MAL2: variants seen among roughly 807,000 people sequenced by gnomAD.
MAL2 encodes protein MAL2.
A neutral mutation model predicts 18.1 loss-of-function variants in MAL2; 17 were observed. That is an observed-to-expected ratio of 0.94 (90% CI 0.64 to 1.41). MAL2 has a LOEUF of 1.41. MAL2 is among the 40% of genes most tolerant of loss of function. The pLI, the probability that MAL2 is intolerant of heterozygous loss-of-function variation, is 0.00. For missense variants in MAL2, 222 were observed against 231.9 expected (o/e 0.96, Z 0.28); for synonymous variants, 102 against 102.3 (o/e 1.00, Z 0.02).
chr8:119,208,843 G>A lies in MAL2; in HGVS notation c.132+239G>A. ...CGGGCGACGGAAATTGCCTGGGGAG[G>A]GCGAGTAGGCGGCCCGGCAGGGCCG... On this transcript the variant is annotated intron_variant, in intron 1 of 3. Coordinates refer to ENST00000614891, the MANE Select transcript of MAL2 (RefSeq NM_052886.3). The surrounding 1 kb of genome is among the most constrained non-coding windows in gnomAD (Gnocchi z 4.3). 3 of 468,812 alleles carry A rather than the reference G, an allele frequency of 6.4e-6. No individual in the cohort carries two copies. Among genetic ancestry groups the A allele is most frequent in the Non-Finnish European group, 9.7e-6 (3 of 307,714 alleles). 29.0% of individuals were successfully genotyped at this position (468,812 alleles called of 1,614,324 possible). A position where few individuals can be genotyped will look rare whatever the true frequency, so the allele number is the denominator to read the frequency against.
chr8:119,208,630 T>A lies in MAL2; in HGVS notation c.132+26T>A, dbSNP rs759374501. ...GTAAGTGGGGCCGCCGGAGCGAGGG[T>A]CGCGCGGGGAGCGAGGACAGGCGGC... On this transcript the variant is annotated intron_variant, in intron 1 of 3. Transcript: ENST00000614891. This position sits in a 1 kb window ranked among gnomAD's most constrained non-coding sequence, Gnocchi z 4.3. The A allele has an allele frequency of 1.6e-5, 20 of 1,287,668 alleles. No individual in the cohort carries two copies. The highest frequency in any genetic ancestry group is 1.9e-5 in the Non-Finnish European group (19 of 1,015,964). The allele number at this position is 1,287,668 out of a possible 1,614,324, so 79.8% of individuals were successfully genotyped here.
intron 2 of MAL2, among the ~76,000 whole-genome samples, chr8:119,222,230 T>A (rs1319963124): frequency 6.6e-6 from 1 of 151,776 alleles, no homozygotes; most frequent in Non-Finnish European, 1.5e-5. Context: ...AATTGGTGAG[T>A]TTTTAAAAAT....
At chr8:119,237,099 A>T (rs1486622601) in intron 2 of MAL2, among the ~76,000 whole-genome samples, 1 of 152,220 alleles carries the variant, frequency 6.6e-6, no homozygotes, top group Non-Finnish European at 1.5e-5. Context: ...AAAAATGACA[A>T]AGGGGATATC....
chr8:119,208,629 G>A lies in MAL2; in HGVS notation c.132+25G>A, dbSNP rs567929320. ...TGTAAGTGGGGCCGCCGGAGCGAGG[G>A]TCGCGCGGGGAGCGAGGACAGGCGG... On this transcript the variant is annotated intron_variant, in intron 1 of 3. Transcript: ENST00000614891. This position sits in a 1 kb window ranked among gnomAD's most constrained non-coding sequence, Gnocchi z 4.3. The A allele has an allele frequency of 6.6e-3, 8,579 of 1,291,422 alleles. 32 individuals are homozygous for A. Among genetic ancestry groups the A allele is most frequent in the Non-Finnish European group, 8.0e-3 (8,107 of 1,017,790 alleles). 80.0% of individuals were successfully genotyped at this position (1,291,422 alleles called of 1,614,324 possible). A position where few individuals can be genotyped will look rare whatever the true frequency, so the allele number is the denominator to read the frequency against.
chr8:119,217,017 A>G (rs1817367673), intron 1 of MAL2, among the ~76,000 whole-genome samples: 1 of 152,220 alleles, frequency 6.6e-6, no homozygotes, highest in Admixed American at 6.5e-5. Context: ...ACAGGAGATG[A>G]GTTAAGAATC....
At chr8:119,210,692 A>G (rs561498636) in intron 1 of MAL2, among the ~76,000 whole-genome samples, 296 of 152,360 alleles carry the variant, frequency 1.9e-3, no homozygotes, top group Non-Finnish European at 3.0e-3. Flanking sequence ...CCAGACTCAC[A>G]GAAGTGTCCA....
intron 2 of MAL2, among the ~76,000 whole-genome samples, chr8:119,235,402 A>AAT (rs1399809859): frequency 6.6e-6 from 1 of 152,148 alleles, no homozygotes; most frequent in African/African-American, 2.4e-5. Flanking sequence ...GAACTTCCCC[A>AAT]ATCTAGCAAG....
At chr8:119,211,873 C>T (rs1218405580) in intron 1 of MAL2, among the ~76,000 whole-genome samples, 2 of 152,052 alleles carry the variant, frequency 1.3e-5, no homozygotes, top group Non-Finnish European at 2.9e-5. Context: ...GAAGCCATCA[C>T]CTTCAAAATT....
rs185494024 is a variant in MAL2 at position 119,210,409 on chromosome 8, C to T, written c.132+1805C>T. 1.3e-3 allele frequency among the ~76,000 whole-genome samples: 201 copies of T among 152,192 alleles called. 1 individual carries two copies. Among genetic ancestry groups the T allele is most frequent in the Admixed American group, 5.2e-4 (8 of 15,280 alleles). Reference sequence around the variant, plus strand: ...AGTGACTTAGTCAATTTCCCCCTCCCCCTCCCCATTATATCTTTTTTAAAT... The same window carrying T: ...AGTGACTTAGTCAATTTCCCCCTCCTCCTCCCCATTATATCTTTTTTAAAT... On this transcript the variant is annotated intron_variant, in intron 1 of 3. Transcript: ENST00000614891.
Position 119,210,430 on chromosome 8 carries a change from T to A in MAL2, c.132+1826T>A, listed in dbSNP as rs7822089. ...CTCCCCCTCCCCATTATATCTTTTT[T>A]AAATCTAGCCCAGAGGTTAGTTCTC... On this transcript the variant is annotated intron_variant, in intron 1 of 3. Coordinates refer to ENST00000614891, the MANE Select transcript of MAL2 (RefSeq NM_052886.3). 4.9e-3 allele frequency among the ~76,000 whole-genome samples: 749 copies of A among 152,224 alleles called. 3 individuals carry two copies. Among genetic ancestry groups the A allele is most frequent in the African/African-American group, 0.017 (724 of 41,544 alleles).
chr8:119,211,033 G>T (rs1416611097), intron 1 of MAL2, among the ~76,000 whole-genome samples: 1 of 152,156 alleles, frequency 6.6e-6, no homozygotes, highest in Non-Finnish European at 1.5e-5. Flanking sequence ...TGCTTTAAGA[G>T]AGCAGAGATC....
At chr8:119,231,000 G>C (rs997593167) in intron 2 of MAL2, among the ~76,000 whole-genome samples, 1 of 152,024 alleles carries the variant, frequency 6.6e-6, no homozygotes, top group African/African-American at 2.4e-5. Flanking sequence ...TGTCCTAGCA[G>C]AGTATTTTAG....
intron 2 of MAL2, among the ~76,000 whole-genome samples, chr8:119,229,107 G>A (rs1455489309): frequency 1.3e-5 from 2 of 152,114 alleles, no homozygotes; most frequent in African/African-American, 2.4e-5. Flanking sequence ...ACATCAACTC[G>A]AAGGGTCCTT....
In MAL2 at chr8:119,208,673, G is replaced by T; in HGVS notation, c.132+69G>T. The T allele has an allele frequency of 8.1e-7, 1 of 1,235,644 alleles. No individual in the cohort carries two copies. Among genetic ancestry groups the T allele is most frequent in the Non-Finnish European group, 1.0e-6 (1 of 987,576 alleles). The allele number at this position is 1,235,644 out of a possible 1,614,324, so 76.5% of individuals were successfully genotyped here. ...CAGGCGGCGGCATCCTTGTCCCCCGGGCTGTCTTCCTCTGCGTCCGCCCCC... is the reference window on the plus strand; with the variant it reads ...CAGGCGGCGGCATCCTTGTCCCCCGTGCTGTCTTCCTCTGCGTCCGCCCCC... On this transcript the variant is annotated intron_variant, in intron 1 of 3. Coordinates refer to ENST00000614891, the MANE Select transcript of MAL2 (RefSeq NM_052886.3). This position sits in a 1 kb window ranked among gnomAD's most constrained non-coding sequence, Gnocchi z 4.3.
At chr8:119,239,065 C>T (rs1223456771) in intron 2 of MAL2, among the ~76,000 whole-genome samples, 1 of 151,218 alleles carries the variant, frequency 6.6e-6, no homozygotes, top group Non-Finnish European at 1.5e-5. Flanking sequence ...ACAATGAACT[C>T]AAACAAATTT....
chr8:119,231,233 T>C (rs952562839), intron 2 of MAL2, among the ~76,000 whole-genome samples: 58 of 152,202 alleles, frequency 3.8e-4, no homozygotes, highest in African/African-American at 1.0e-3. Context: ...AGGGTTTCAC[T>C]GTGTTAGCCA....
chr8:119,221,685 C>A lies in MAL2; in HGVS notation c.231C>A (p.Phe77Leu). 1 of 1,613,918 alleles carries A rather than the reference C, an allele frequency of 6.2e-7. No homozygotes were observed. The highest frequency in any genetic ancestry group is 8.5e-7 in the Non-Finnish European group (1 of 1,179,832). ...WVMFVSVTAF[F>L]FSLLFLGMFL... is the part of the protein sequence containing the mutation. Reference sequence around the variant, plus strand: ...TGTTTGTGTCCGTGACAGCGTTTTTCTTTTCGCTCCTCTTTCTGGGCATGT... The same window carrying A: ...TGTTTGTGTCCGTGACAGCGTTTTTATTTTCGCTCCTCTTTCTGGGCATGT... The change falls in exon 2 of 4, where the codon TTC becomes TTA. Residue 77 changes from phenylalanine to leucine, a missense_variant. Transcript: ENST00000614891.
chr8:119,209,331 C>G (rs1257706683), intron 1 of MAL2: 1 of 152,274 alleles, frequency 6.6e-6, no homozygotes, highest in Non-Finnish European at 1.5e-5. Flanking sequence ...GGCCTCCTTA[C>G]GCAACTCCAA....
rs774346762 is a variant in MAL2 at position 119,221,678 on chromosome 8, C to T, written c.224C>T (p.Ala75Val). 3.1e-6 allele frequency: 5 copies of T among 1,613,894 alleles called. No homozygotes were observed. The highest frequency in any genetic ancestry group is 1.3e-5 in the African/African-American group (1 of 75,034). The change falls in exon 2 of 4, where the codon GCG (alanine) becomes GTG (valine). Residue 75 changes from alanine (A) to valine (V), a missense_variant. Coordinates refer to ENST00000614891, the MANE Select transcript of MAL2 (RefSeq NM_052886.3). ...TGGGTCATGTTTGTGTCCGTGACAG[C>T]GTTTTTCTTTTCGCTCCTCTTTCTG... ...QGWVMFVSVT[A>V]FFFSLLFLGM...
Sources: allele counts gnomAD v4.1 joint callset (sites outside exome capture counted in the v4.1 genomes callset), GRCh38; gene constraint gnomAD v4.1.1; non-coding constraint Gnocchi (gnomAD v3.1); transcripts MANE v1.5; gene names NCBI Gene and HGNC (gene_info 2026-07-23, HGNC 2026-07-21).